The following EXOC4 variants were observed in gnomAD, a reference collection of about 807,000 sequenced individuals.
EXOC4 encodes SEC8-like 1.
EXOC4 carries 71 observed loss-of-function variants against 107.2 expected under a neutral mutation model. The observed-to-expected ratio is 0.66, with a 90% CI of 0.55 to 0.81. The LOEUF (loss-of-function observed/expected upper bound fraction) is 0.81, where lower values mean the gene tolerates loss of function less well. EXOC4 is among the 30% of genes least tolerant of loss of function. The pLI, the probability that EXOC4 is intolerant of heterozygous loss-of-function variation, is 0.00. For missense variants in EXOC4, 1,108 were observed against 1,189.6 expected (o/e 0.93, Z 1.01); for synonymous variants, 456 against 441.2 (o/e 1.03, Z -0.42).
chr7:133,677,164 G>T (rs1362074676), intron 10 of EXOC4, among the ~76,000 whole-genome samples: 1 of 151,998 alleles, frequency 6.6e-6, no homozygotes, highest in Non-Finnish European at 1.5e-5. Flanking sequence ...TGTCTCCCTT[G>T]TCTCTAATGT....
intron 10 of EXOC4, among the ~76,000 whole-genome samples, chr7:133,642,271 AAG>A (rs1802875855): frequency 6.6e-6 from 1 of 152,234 alleles, no homozygotes; most frequent in African/African-American, 2.4e-5. Flanking sequence ...ATTTGAGAAT[AAG>A]AGAAAATCTA....
At chr7:133,423,352 T>C (rs1277865528) in intron 7 of EXOC4, among the ~76,000 whole-genome samples, 1 of 152,224 alleles carries the variant, frequency 6.6e-6, no homozygotes, top group Non-Finnish European at 1.5e-5. Context: ...TCATAATATA[T>C]GGTAAAACTA....
intron 10 of EXOC4, among the ~76,000 whole-genome samples, chr7:133,758,252 C>T (rs998433893): frequency 6.6e-6 from 1 of 152,148 alleles, no homozygotes; most frequent in African/African-American, 2.4e-5. Context: ...TCAAGCGATT[C>T]TCCTGCCTCA....
intron 1 of EXOC4, among the ~76,000 whole-genome samples, 157 bp from the exon 2 acceptor site, chr7:133,274,825 G>A (rs1290651541): frequency 6.6e-6 from 1 of 152,200 alleles, no homozygotes; most frequent in Non-Finnish European, 1.5e-5. Context: ...TTACTGTGAA[G>A]GAAGTTTTGT....
intron 10 of EXOC4, among the ~76,000 whole-genome samples, chr7:133,772,014 T>G (rs893930149): frequency 6.6e-6 from 1 of 152,006 alleles, no homozygotes; most frequent in African/African-American, 2.4e-5. Flanking sequence ...AGATACTGTC[T>G]GCAGCAATCA....
intron 10 of EXOC4, among the ~76,000 whole-genome samples, chr7:133,783,424 A>G (rs959062205): frequency 6.6e-6 from 1 of 152,220 alleles, no homozygotes; most frequent in Admixed American, 6.5e-5. Flanking sequence ...ACATCATGAT[A>G]TCAAGTCATG....
intron 3 of EXOC4, among the ~76,000 whole-genome samples, chr7:133,298,385 AGTT>A (rs1289000159): frequency 6.6e-6 from 1 of 152,086 alleles, no homozygotes; most frequent in African/African-American, 2.4e-5. Context: ...TTAAAAAGAG[AGTT>A]GTTCTGTAAC....
intron 5 of EXOC4, among the ~76,000 whole-genome samples, chr7:133,335,492 A>G (rs1795492026): frequency 6.6e-6 from 1 of 152,192 alleles, no homozygotes; most frequent in East Asian, 1.9e-4. Context: ...ACTTAGCATA[A>G]TATTTTCAGC....
chr7:133,836,313 C>T (rs568387214), intron 11 of EXOC4, among the ~76,000 whole-genome samples: 1 of 151,984 alleles, frequency 6.6e-6, no homozygotes, highest in Admixed American at 6.6e-5. Context: ...TTAATTTCTT[C>T]GCTGGAGTCA....
intron 14 of EXOC4, among the ~76,000 whole-genome samples, chr7:133,995,122 TC>T (rs1391432671): frequency 6.6e-6 from 1 of 152,222 alleles, no homozygotes; most frequent in Middle Eastern, 3.2e-3. Flanking sequence ...TTTACCTCAC[TC>T]ATTCTAAGTT....
chr7:133,480,599 G>A, intron 9 of EXOC4: 1 of 231,652 alleles, frequency 4.3e-6, no homozygotes, highest in Non-Finnish European at 7.4e-6. Context: ...CAATATAACT[G>A]TGATGAACAG....
chr7:133,448,917 C>A (rs1798279586), intron 7 of EXOC4, among the ~76,000 whole-genome samples: 1 of 152,030 alleles, frequency 6.6e-6, no homozygotes, highest in African/African-American at 2.4e-5. Flanking sequence ...CCAGCCTGGC[C>A]AACATGGTGA....
At chr7:133,505,176 G>A (rs1402448898) in intron 9 of EXOC4, among the ~76,000 whole-genome samples, 1 of 152,088 alleles carries the variant, frequency 6.6e-6, no homozygotes, top group African/African-American at 2.4e-5. Flanking sequence ...ATAAGTTAGG[G>A]GAAGGGCAGG....
chr7:134,004,248 T>C (rs1438012645), intron 15 of EXOC4, among the ~76,000 whole-genome samples: 2 of 152,192 alleles, frequency 1.3e-5, no homozygotes, highest in Non-Finnish European at 2.9e-5. Flanking sequence ...TTAATAAATA[T>C]AAGACTAGTG....
chr7:133,633,812 G>A (rs1047742125), intron 10 of EXOC4, among the ~76,000 whole-genome samples: 27 of 151,606 alleles, frequency 1.8e-4, no homozygotes, highest in African/African-American at 6.1e-4. Context: ...TTTTTCTTAC[G>A]TGGTCTCTTG....
chr7:133,484,339 A>T (rs1799225922), intron 9 of EXOC4: 1 of 514,770 alleles, frequency 1.9e-6, no homozygotes, highest in East Asian at 3.9e-5. Flanking sequence ...CCAGGTGGAG[A>T]TCTAACTTGT....
rs1800344185 is a variant in EXOC4, at chr7:133,938,032, A to G, written c.2169A>G (p.Arg723=). Reference sequence around the variant, plus strand: ...AAAGCCTGGAATGGTTGGCAAGTCGAACAAAGTCAGCTTTCTCCAATCTTT... The same window carrying G: ...AAAGCCTGGAATGGTTGGCAAGTCGGACAAAGTCAGCTTTCTCCAATCTTT... ...MHESLEWLAS[R]TKSAFSNLST... The change falls in exon 14 of 18, where the codon CGA becomes CGG. Residue 723 remains arginine, a synonymous_variant. Coordinates refer to ENST00000253861, the MANE Select transcript of EXOC4 (RefSeq NM_021807.4). The G allele has an allele frequency of 6.2e-7, 1 of 1,614,218 alleles. No individual in the cohort carries two copies. Among genetic ancestry groups the G allele is most frequent in the Non-Finnish European group, 8.5e-7 (1 of 1,180,036 alleles).
At chr7:134,081,349 C>T in the EXOC4 span, among the ~76,000 whole-genome samples, 2 of 152,026 alleles carry the variant, frequency 1.3e-5, no homozygotes, top group Admixed American at 1.3e-4. Context: ...GACTCCGCCT[C>T]AAAAAATTAA....
intron 10 of EXOC4, among the ~76,000 whole-genome samples, chr7:133,705,430 CTAGT>C (rs1794748231): frequency 6.6e-6 from 1 of 152,092 alleles, no homozygotes; most frequent in Admixed American, 6.6e-5. Context: ...ACTGGAACTG[CTAGT>C]TAAATTCTGT....
Sources: gnomAD v4.1 joint callset for allele counts (sites outside exome capture counted in the v4.1 genomes callset) on GRCh38, gnomAD v4.1.1 for gene constraint, MANE v1.5 for transcripts, NCBI Gene and HGNC (gene_info 2026-07-23, HGNC 2026-07-21) for gene names.